The following SEMA6D variants were observed in gnomAD, a reference collection of about 807,000 sequenced individuals.
SEMA6D encodes semaphorin 6D.
SEMA6D carries 35 observed loss-of-function variants against 106.6 expected under a neutral mutation model. That is an observed-to-expected ratio of 0.33 (90% CI 0.25 to 0.44). The LOEUF (loss-of-function observed/expected upper bound fraction) is 0.44, where lower values mean the gene tolerates loss of function less well. Among genes scored for constraint, SEMA6D ranks in the 20% least tolerant of loss-of-function variants. The pLI, the probability that SEMA6D is intolerant of heterozygous loss-of-function variation, is 1.00. For missense variants in SEMA6D, 1,185 were observed against 1,345.9 expected, an observed-to-expected ratio of 0.88 and a Z score of 1.87; for synonymous variants, 499 against 487.7, an observed-to-expected ratio of 1.02 and a Z score of -0.31.
intron 2 of SEMA6D, among the ~76,000 whole-genome samples, chr15:47,424,665 C>T (rs1180210568): frequency 6.6e-6 from 1 of 152,058 alleles, no homozygotes; most frequent in African/African-American, 2.4e-5. Flanking sequence ...AAAATCAGAG[C>T]TAGGTCCTAC....
intron 3 of SEMA6D, among the ~76,000 whole-genome samples, chr15:47,566,426 G>C (rs1333329522): frequency 1.3e-5 from 2 of 152,232 alleles, no homozygotes; most frequent in East Asian, 3.8e-4. Context: ...AACTGAGTGA[G>C]CTTTGGACCA....
intron 2 of SEMA6D, among the ~76,000 whole-genome samples, chr15:47,448,846 G>A (rs2042103820): frequency 1.3e-5 from 2 of 152,188 alleles, no homozygotes; most frequent in East Asian, 3.9e-4. Context: ...TGTGCCTCAA[G>A]CAGGGGGCTG....
chr15:47,711,074 C>T (rs961508525), intron 4 of SEMA6D, among the ~76,000 whole-genome samples: 1 of 151,920 alleles, frequency 6.6e-6, no homozygotes, highest in Non-Finnish European at 1.5e-5. Flanking sequence ...CTTTGGGAGG[C>T]CGAGGCGGGC....
rs189617082 is a variant in SEMA6D at position 47,765,967 on chromosome 15, G to A, written c.1526G>A (p.Arg509His). 1.6e-5 allele frequency: 25 copies of A among 1,592,884 alleles called. No homozygotes were observed. In the East Asian group the frequency reaches 1.8e-4, roughly 11 times the overall value. The change falls in exon 14 of 19, where the codon CGC (arginine) becomes CAC (histidine). Residue 509 changes from arginine (R) to histidine (H), a missense_variant. Physicochemically the swap from Arg to His is conservative, Grantham distance 29 (BLOSUM62 0). This residue lies in a region of SEMA6D where 750 missense variants were observed against 783.5 expected (regional missense o/e 0.96). Coordinates refer to ENST00000536845, the MANE Select transcript of SEMA6D (RefSeq NM_001358351.3). ...LYVAFSSCII[R>H]IPLSRCERYG... Reference sequence around the variant, plus strand: ...GTGGCGTTCTCTAGCTGCATTATCCGCATCCCCCTCAGTCGCTGTGAGCGT... The same window carrying A: ...GTGGCGTTCTCTAGCTGCATTATCCACATCCCCCTCAGTCGCTGTGAGCGT...
intron 16 of SEMA6D, 89 bp downstream of exon 16, chr15:47,766,766 C>T: frequency 3.3e-6 from 3 of 900,700 alleles, no homozygotes; most frequent in Non-Finnish European, 5.3e-6. Flanking sequence ...TTTTTAATGA[C>T]TCAGGACACA....
At chr15:47,385,784 G>C (rs909671574) in intron 1 of SEMA6D, among the ~76,000 whole-genome samples, 5 of 152,118 alleles carry the variant, frequency 3.3e-5, no homozygotes, top group Non-Finnish European at 7.4e-5. Flanking sequence ...GCTCCAACCA[G>C]GCATAAAATT....
At chr15:47,484,914 AT>A (rs1362713682) in intron 3 of SEMA6D, among the ~76,000 whole-genome samples, 7 of 152,248 alleles carry the variant, frequency 4.6e-5, no homozygotes, top group Non-Finnish European at 2.9e-5. Context: ...GTCCTGTGGG[AT>A]AAATCCCAAT....
Position 47,540,487 on chromosome 15 carries a change from C to T in SEMA6D, c.-86-60378C>T, listed in dbSNP as rs78870870. On this transcript the variant is annotated intron_variant, in intron 3 of 19. Coordinates refer to the SEMA6D transcript ENST00000558014. Reference sequence around the variant, plus strand: ...TTATTCAGTCATAAATTGAGTCTCTCCATTTGTTCAGTAAACAGTGAATGA... The same window carrying T: ...TTATTCAGTCATAAATTGAGTCTCTTCATTTGTTCAGTAAACAGTGAATGA... Among the ~76,000 whole-genome samples, 1,457 of 152,092 alleles carry T rather than the reference C, an allele frequency of 9.6e-3. 20 individuals carry two copies. The highest frequency in any genetic ancestry group is 0.034 in the African/African-American group (1,413 of 41,512).
chr15:47,233,327 G>T (rs1360756073), intron 1 of SEMA6D, among the ~76,000 whole-genome samples: 1 of 151,846 alleles, frequency 6.6e-6, no homozygotes, highest in Non-Finnish European at 1.5e-5. Context: ...ACAGTATTTT[G>T]ATCACTGTAC....
rs76214768 is a variant in SEMA6D, at chr15:47,725,297, G to A, written c.-55+7605G>A. ...ATGCAGCAAGTGTTTTAATAAATGC[G>A]CTAATTGAGTTTAACTTTTATTACA... On this transcript the variant is annotated intron_variant, in intron 1 of 18. Transcript: ENST00000536845. Among the ~76,000 whole-genome samples the A allele has an allele frequency of 9.6e-3, 1,461 of 152,266 alleles. 29 individuals are homozygous for A. The highest frequency in any genetic ancestry group is 0.033 in the African/African-American group (1,378 of 41,542).
At chr15:47,708,598 C>CAGT (rs2078958552) in intron 4 of SEMA6D, among the ~76,000 whole-genome samples, 1 of 152,238 alleles carries the variant, frequency 6.6e-6, no homozygotes, top group Non-Finnish European at 1.5e-5. Context: ...TGCGTGCTCT[C>CAGT]TCACTTATTA....
chr15:47,633,150 T>C (rs561384089), intron 4 of SEMA6D, among the ~76,000 whole-genome samples: 11 of 152,250 alleles, frequency 7.2e-5, no homozygotes, highest in African/African-American at 2.6e-4. Context: ...CCTGTAAGTT[T>C]TAAGAAGTTC....
At chr15:47,758,578 T>C (rs1032177727) in intron 1 of SEMA6D, among the ~76,000 whole-genome samples, 4 of 152,198 alleles carry the variant, frequency 2.6e-5, no homozygotes, top group Non-Finnish European at 5.9e-5. Flanking sequence ...TTTTTTACTG[T>C]TACTATAATG....
chr15:47,425,756 C>T (rs755374229), intron 2 of SEMA6D, among the ~76,000 whole-genome samples: 15 of 151,584 alleles, frequency 9.9e-5, no homozygotes, highest in South Asian at 6.3e-4. Flanking sequence ...CTGCAACCTC[C>T]GCCTCCCAGG....
At chr15:47,279,208 G>T (rs1265846744) in intron 1 of SEMA6D, among the ~76,000 whole-genome samples, 1 of 29,456 alleles carries the variant, frequency 3.4e-5, no homozygotes, top group Non-Finnish European at 6.6e-5. Context: ...TCCTTGAGCA[G>T]TGGTTTGTAG....
intron 1 of SEMA6D, among the ~76,000 whole-genome samples, chr15:47,315,492 T>C (rs1168919109): frequency 6.6e-6 from 1 of 152,252 alleles, no homozygotes; most frequent in African/African-American, 2.4e-5. Context: ...GTCTTCATGA[T>C]TGTATCTTTT....
At chr15:47,442,030 A>T (rs138079247) in intron 2 of SEMA6D, among the ~76,000 whole-genome samples, 107 of 152,230 alleles carry the variant, frequency 7.0e-4, no homozygotes, top group African/African-American at 2.5e-3. Flanking sequence ...ACAATTTCTA[A>T]TGTTATAAAG....
intron 4 of SEMA6D, among the ~76,000 whole-genome samples, chr15:47,691,734 C>T (rs1370292744): frequency 6.6e-6 from 1 of 151,862 alleles, no homozygotes; most frequent in African/African-American, 2.4e-5. Context: ...TCTTTGCTAG[C>T]CTAGTTCATT....
At chr15:47,348,712 CACACACCA>C (rs1194047083) in intron 1 of SEMA6D, among the ~76,000 whole-genome samples, 68 of 86,500 alleles carry the variant, frequency 7.9e-4, no homozygotes, top group African/African-American at 3.7e-3. Context: ...CACACACACA[CACACACCA>C]CACACACAGA....
Sources: allele counts gnomAD v4.1 joint callset (sites outside exome capture counted in the v4.1 genomes callset), GRCh38; gene constraint gnomAD v4.1.1; regional missense constraint gnomAD v4.1.1; transcripts MANE v1.5; gene names NCBI Gene and HGNC (gene_info 2026-07-23, HGNC 2026-07-21).